HDLBP: variants seen among roughly 807,000 people sequenced by gnomAD.
The protein encoded by HDLBP is vigilin.
HDLBP carries 30 observed loss-of-function variants against 137.3 expected under a neutral mutation model. The ratio of observed to expected loss-of-function variants is 0.22; its 90% CI spans 0.16 to 0.30. The LOEUF is 0.30. Ranked by LOEUF, HDLBP falls within the 10% of genes least tolerant of loss-of-function variation. The probability of loss-of-function intolerance (pLI) is 1.00; values close to 1 mark genes in which losing one functional copy is unlikely to be tolerated. For missense variants in HDLBP, 1,119 were observed against 1,667.3 expected (o/e 0.67, Z 5.73); for synonymous variants, 606 against 596.0 (o/e 1.02, Z -0.24).
chr2:241,284,796 C>A (rs1349512078), intron 1 of HDLBP, among the ~76,000 whole-genome samples: 1 of 152,224 alleles, frequency 6.6e-6, no homozygotes, highest in Non-Finnish European at 1.5e-5. Context: ...CAGCCATCAA[C>A]ATCAAAGCGA....
chr2:241,256,957 C>G, intron 5 of HDLBP, 151 bp from the exon 6 acceptor site: 1 of 697,936 alleles, frequency 1.4e-6, no homozygotes. Flanking sequence ...GCTTAAACAT[C>G]ACATGCTTGG....
intron 1 of HDLBP, among the ~76,000 whole-genome samples, chr2:241,309,247 T>C (rs1472823221): frequency 3.3e-5 from 5 of 152,204 alleles, no homozygotes; most frequent in Admixed American, 3.3e-4. Flanking sequence ...GTCTGCTGAC[T>C]GCCTGACACC....
intron 1 of HDLBP, among the ~76,000 whole-genome samples, chr2:241,275,353 A>C (rs2149597564): frequency 6.6e-6 from 1 of 152,348 alleles, no homozygotes; most frequent in African/African-American, 2.4e-5. Flanking sequence ...TTGAGACAAT[A>C]AAAAAGCATA....
rs573116437 is a variant in HDLBP, at chr2:241,232,768, C to T, written c.3288+1052G>A. 2.2e-4 allele frequency among the ~76,000 whole-genome samples: 33 copies of T among 152,032 alleles called. No individual in the cohort carries two copies. In the East Asian group the frequency reaches 4.8e-3, roughly 22 times the overall value. On this transcript the variant is annotated intron_variant, in intron 24 of 27. Coordinates refer to ENST00000310931, the MANE Select transcript of HDLBP (RefSeq NM_005336.6). ...GGCAGAGGTTACAGTGAGCCGAGAT[C>T]GCGCCACTGCACTCCACCTGGGGCA...
chr2:241,301,048 C>T (rs2075380485), intron 1 of HDLBP, among the ~76,000 whole-genome samples: 1 of 151,360 alleles, frequency 6.6e-6, no homozygotes, highest in Admixed American at 6.6e-5. Context: ...GCCATCTCTG[C>T]TCACTGCAAG....
In HDLBP at chr2:241,272,676, GCCACCCCCCACCCCC is replaced by G. The variant is rs1264675696; in HGVS notation, c.-102-4150_-102-4136del. On this transcript the variant is annotated intron_variant, in intron 1 of 27. Coordinates refer to ENST00000310931, the MANE Select transcript of HDLBP (RefSeq NM_005336.6). The surrounding 1 kb of genome is among the most constrained non-coding windows in gnomAD (Gnocchi z 5.6). ...CCCCTCCGCGGCCTCCACGTCAGCA[GCCACCCCCCACCCCC>G]CCGCCCGGCAGCCCGCCCGCCCCGT... The G allele has an allele frequency of 1.2e-6, 1 of 815,586 alleles. No individual in the cohort carries two copies. Among genetic ancestry groups the G allele is most frequent in the Non-Finnish European group, 1.5e-6 (1 of 686,826 alleles). 50.5% of individuals were successfully genotyped at this position (815,586 alleles called of 1,614,324 possible). A position where few individuals can be genotyped will look rare whatever the true frequency, so the allele number is the denominator to read the frequency against.
At chr2:241,235,342 G>A in intron 22 of HDLBP, 87 bp from the exon 23 acceptor site, 2 of 1,570,400 alleles carry the variant, frequency 1.3e-6, no homozygotes, top group South Asian at 2.3e-5. Context: ...AGTGGTGAGA[G>A]GGAAGGCCAC....
intron 2 of HDLBP, chr2:241,267,635 T>G: frequency 6.5e-7 from 1 of 1,535,748 alleles, no homozygotes; most frequent in Non-Finnish European, 8.7e-7. Context: ...GCGGTCTCTC[T>G]CTGCAAGGTG....
intron 1 of HDLBP, among the ~76,000 whole-genome samples, chr2:241,307,133 G>T (rs1046416228): frequency 6.6e-6 from 1 of 152,106 alleles, no homozygotes. Context: ...TCAACTCTTT[G>T]TTGAGTCAGG....
chr2:241,236,457 G>A lies in HDLBP; in HGVS notation c.2904+158C>T, dbSNP rs576933268. ...GCCTCCCCAAACTCTGTGTCCAGCCGAGAAGCACAGCCCGTGCGCACACGG... is the reference window on the plus strand; with the variant it reads ...GCCTCCCCAAACTCTGTGTCCAGCCAAGAAGCACAGCCCGTGCGCACACGG... On this transcript the variant is annotated intron_variant, in intron 21 of 27. Transcript: ENST00000310931. The A allele has an allele frequency of 2.6e-4, 186 of 728,262 alleles. 3 individuals are homozygous for A. In the South Asian group the frequency reaches 3.0e-3, roughly 12 times the overall value. 45.1% of individuals were successfully genotyped at this position (728,262 alleles called of 1,614,324 possible).
At chr2:241,289,276 C>G (rs1306836335) in intron 1 of HDLBP, among the ~76,000 whole-genome samples, 3 of 152,216 alleles carry the variant, frequency 2.0e-5, no homozygotes, top group African/African-American at 7.2e-5. Context: ...GGCCTGCTTC[C>G]TCCTTTGTCT....
chr2:241,268,988 C>T (rs926179413), intron 1 of HDLBP: 2 of 152,244 alleles, frequency 1.3e-5, no homozygotes, highest in African/African-American at 4.8e-5. Flanking sequence ...GTCTCTGCAG[C>T]GCTTATGGTG....
intron 1 of HDLBP, among the ~76,000 whole-genome samples, chr2:241,275,977 T>C (rs922091237): frequency 2.6e-5 from 4 of 152,058 alleles, no homozygotes; most frequent in East Asian, 3.8e-4. Context: ...ACCAGCAACC[T>C]AGATAAAGTG....
Position 241,238,920 on chromosome 2 carries a change from G to C in HDLBP, c.2611-133C>G, listed in dbSNP as rs1288945143. 5 of 670,764 alleles carry C rather than the reference G, an allele frequency of 7.5e-6. No individual in the cohort carries two copies. The highest frequency in any genetic ancestry group is 1.2e-5 in the Non-Finnish European group (5 of 428,416). 41.6% of individuals were successfully genotyped at this position (670,764 alleles called of 1,614,324 possible). A position where few individuals can be genotyped will look rare whatever the true frequency, so the allele number is the denominator to read the frequency against. On this transcript the variant is annotated intron_variant, in intron 19 of 27. Transcript: ENST00000310931. The surrounding 1 kb of genome is among the most constrained non-coding windows in gnomAD (Gnocchi z 4.9). ...TTGGCACAGATGCTCCCCTTCTCCC[G>C]AGTCCAGGGCTCCAGGCGCAGGGAG...
intron 1 of HDLBP, among the ~76,000 whole-genome samples, chr2:241,270,096 C>A (rs751642637): frequency 5.3e-5 from 8 of 152,230 alleles, no homozygotes; most frequent in Non-Finnish European, 1.2e-4. Context: ...CAGCACGGAG[C>A]TGTGATGAGC....
Position 241,272,705 on chromosome 2 carries a change from C to A in HDLBP, c.-102-4164G>T. ...CCCCCCACCCCCCCGCCCGGCAGCC[C>A]GCCCGCCCCGTCCGCCCGCCCGCCC... On this transcript the variant is annotated intron_variant, in intron 1 of 27. Transcript: ENST00000310931. The surrounding 1 kb of genome is among the most constrained non-coding windows in gnomAD (Gnocchi z 5.6). The A allele has an allele frequency of 7.5e-6, 5 of 664,728 alleles. No individual in the cohort carries two copies. The highest frequency in any genetic ancestry group is 6.8e-5 in the South Asian group (1 of 14,766). 41.2% of individuals were successfully genotyped at this position (664,728 alleles called of 1,614,324 possible).
chr2:241,253,081 C>T (rs761784681), intron 10 of HDLBP, 46 bp from the exon 11 acceptor site: 1 of 1,429,030 alleles, frequency 7.0e-7, no homozygotes, highest in South Asian at 1.1e-5. Flanking sequence ...GGTTACTTGG[C>T]CAATGAGCTG....
At chr2:241,306,363 G>C (rs2075575115) in intron 1 of HDLBP, among the ~76,000 whole-genome samples, 1 of 151,820 alleles carries the variant, frequency 6.6e-6, no homozygotes, top group Non-Finnish European at 1.5e-5. Flanking sequence ...CCAGGTTCAG[G>C]CAATTCTCCT....
At chr2:241,292,338 T>C (rs1020208884) in intron 1 of HDLBP, among the ~76,000 whole-genome samples, 2 of 152,146 alleles carry the variant, frequency 1.3e-5, no homozygotes, top group Non-Finnish European at 2.9e-5. Context: ...AACAACCCTA[T>C]TGCCTTCATA....
Sources: allele counts gnomAD v4.1 joint callset (sites outside exome capture counted in the v4.1 genomes callset), GRCh38; gene constraint gnomAD v4.1.1; non-coding constraint Gnocchi (gnomAD v3.1); transcripts MANE v1.5; gene names NCBI Gene and HGNC (gene_info 2026-07-23, HGNC 2026-07-21).